RNF138: variants seen among roughly 807,000 people sequenced by gnomAD.
RNF138 encodes the protein ring finger protein 138.
A neutral mutation model predicts 31.0 loss-of-function variants in RNF138; 12 were observed. The ratio of observed to expected loss-of-function variants is 0.39; its 90% CI spans 0.25 to 0.63. RNF138 has a LOEUF of 0.63. Ranked by LOEUF, RNF138 falls within the 20% of genes least tolerant of loss-of-function variation. RNF138 has a pLI of 0.52. For missense variants in RNF138, 192 were observed against 300.1 expected, an observed-to-expected ratio of 0.64 and a Z score of 2.66; for synonymous variants, 105 against 99.5, an observed-to-expected ratio of 1.06 and a Z score of -0.33.
chr18:32,129,063 A>G, intron 7 of RNF138, 56 bp from the exon 8 acceptor site: 1 of 1,183,934 alleles, frequency 8.4e-7, no homozygotes, highest in Non-Finnish European at 1.3e-6. Flanking sequence ...TTTTGGGCAA[A>G]GTATTAGAGT....
chr18:32,092,933 G>T (rs2039727583), intron 2 of RNF138, 47 bp downstream of exon 2: 3 of 1,175,544 alleles, frequency 2.6e-6, no homozygotes, highest in Non-Finnish European at 3.5e-6. Context: ...TGTCGCTTAG[G>T]CCCGGCCTCC....
Position 32,113,681 on chromosome 18 carries a change from TTACAC to T in RNF138, c.277-61_277-57del, listed in dbSNP as rs899687149. Reference sequence around the variant, plus strand: ...TAGTTACTTTTATTTTTTCCTCTCTTTACACTATTTCAAATCTTACGAGTTCTATT... The same window carrying T: ...TAGTTACTTTTATTTTTTCCTCTCTTTATTTCAAATCTTACGAGTTCTATT... On this transcript the variant is annotated intron_variant, in intron 3 of 7. Transcript: ENST00000261593. 5.0e-5 allele frequency: 36 copies of T among 726,538 alleles called. No individual in the cohort carries two copies. The African/African-American group carries it at 6.7e-4, about 14-fold the overall frequency. 45.0% of individuals were successfully genotyped at this position (726,538 alleles called of 1,614,324 possible). A position where few individuals can be genotyped will look rare whatever the true frequency, so the allele number is the denominator to read the frequency against.
chr18:32,100,854 C>T (rs1434719714), intron 2 of RNF138, among the ~76,000 whole-genome samples: 2 of 152,214 alleles, frequency 1.3e-5, no homozygotes, highest in African/African-American at 4.8e-5. Flanking sequence ...ATCTGCTCGC[C>T]TTGGCCTCCC....
In RNF138 at chr18:32,129,101, G is replaced by C. The variant is rs538272154; in HGVS notation, c.670-18G>C. 6.4e-6 allele frequency: 10 copies of C among 1,574,126 alleles called. No homozygotes were observed. In the South Asian group the frequency reaches 6.6e-5, roughly 10 times the overall value. ...TTGAATATGTTTTTCCTGTTGACAT[G>C]AATGTTATTGTTTTTAGAATCTTCA... On this transcript the variant is annotated intron_variant, in intron 7 of 7. Coordinates refer to ENST00000261593, the MANE Select transcript of RNF138 (RefSeq NM_016271.5).
intron 6 of RNF138, 105 bp from the exon 7 acceptor site, chr18:32,126,588 G>A (rs950108380): frequency 6.3e-6 from 4 of 631,528 alleles, no homozygotes; most frequent in Admixed American, 2.8e-5. Flanking sequence ...TGCTTCTCAC[G>A]TAGATATTTT....
intron 2 of RNF138, among the ~76,000 whole-genome samples, chr18:32,093,237 G>A (rs1342250149): frequency 2.6e-5 from 4 of 152,156 alleles, no homozygotes; most frequent in African/African-American, 7.2e-5. Flanking sequence ...CGCCAGGCCC[G>A]GGAGGAATTG....
At chr18:32,116,965 G>C (rs182846723) in intron 4 of RNF138, among the ~76,000 whole-genome samples, 32 of 152,174 alleles carry the variant, frequency 2.1e-4, no homozygotes, top group African/African-American at 7.5e-4. Context: ...GCAGTGGTGC[G>C]ATCTCAGCTC....
At chr18:32,108,339 C>G (rs886702538) in intron 2 of RNF138, among the ~76,000 whole-genome samples, 5 of 152,066 alleles carry the variant, frequency 3.3e-5, no homozygotes, top group Non-Finnish European at 7.4e-5. Flanking sequence ...GGAACATATC[C>G]CACCTCCTTC....
At chr18:32,102,746 C>T (rs139011117) in intron 2 of RNF138, among the ~76,000 whole-genome samples, 174 of 151,950 alleles carry the variant, frequency 1.1e-3, no homozygotes, top group African/African-American at 4.2e-3. Context: ...GATTCTCCTG[C>T]CTCAGCCTCC....
At chr18:32,107,123 T>C (rs202027202) in intron 2 of RNF138, among the ~76,000 whole-genome samples, 2 of 137,528 alleles carry the variant, frequency 1.5e-5, no homozygotes, top group African/African-American at 5.3e-5. Flanking sequence ...TTCCTTTTTT[T>C]TTTTTTTTTT....
chr18:32,124,390 A>G (rs562577940), intron 5 of RNF138: 41 of 175,112 alleles, frequency 2.3e-4, no homozygotes, highest in Admixed American at 1.5e-3. Flanking sequence ...AAAATTTTCA[A>G]GGGACATACA....
At chr18:32,110,284 C>A (rs906905978) in intron 2 of RNF138, among the ~76,000 whole-genome samples, 1 of 152,204 alleles carries the variant, frequency 6.6e-6, no homozygotes, top group Non-Finnish European at 1.5e-5. Flanking sequence ...TGAGCCACTA[C>A]GCCCTGCCTA....
rs1314331986 is a variant in RNF138, at chr18:32,130,538, T to C, written c.*1351T>C. On this transcript the variant is annotated 3_prime_UTR_variant, in exon 8 of 8. Transcript: ENST00000261593. ...ACATTCCATACTAATATACATTGTT[T>C]ATGCTTTCTTTAAAATAACTAGAAG... 1 of 152,458 alleles carries C rather than the reference T, an allele frequency of 6.6e-6. No homozygotes were observed. 9.4% of individuals were successfully genotyped at this position (152,458 alleles called of 1,614,324 possible).
intron 2 of RNF138, among the ~76,000 whole-genome samples, chr18:32,103,682 G>C (rs2039979730): frequency 6.6e-6 from 1 of 152,042 alleles, no homozygotes; most frequent in African/African-American, 2.4e-5. Flanking sequence ...AAACTTCATG[G>C]GCCGGGTGTG....
At chr18:32,107,467 G>GT (rs201966280) in intron 2 of RNF138, among the ~76,000 whole-genome samples, 77 of 149,760 alleles carry the variant, frequency 5.1e-4, no homozygotes, top group Non-Finnish European at 7.9e-4. Context: ...AATTTTAGCA[G>GT]TTTTTTTTTA....
intron 7 of RNF138, 62 bp from the exon 8 acceptor site, chr18:32,129,057 G>C: frequency 9.1e-7 from 1 of 1,096,238 alleles, no homozygotes; most frequent in Non-Finnish European, 1.4e-6. Flanking sequence ...CTAATGTTTT[G>C]GGCAAAGTAT....
rs1315576570 is a variant in RNF138 at position 32,131,369 on chromosome 18, G to A, written c.*2182G>A. The A allele has an allele frequency of 4.6e-5, 4 of 86,656 alleles. No homozygotes were observed. In the South Asian group the frequency reaches 1.3e-3, roughly 29 times the overall value. 5.4% of individuals were successfully genotyped at this position (86,656 alleles called of 1,614,324 possible). A position where few individuals can be genotyped will look rare whatever the true frequency, so the allele number is the denominator to read the frequency against. ...CAGATTTATGGAAATTAAATTTATG[G>A]GGAAAAGTTTATTTTTAATATTACT... On this transcript the variant is annotated 3_prime_UTR_variant, in exon 8 of 8. Coordinates refer to ENST00000261593, the MANE Select transcript of RNF138 (RefSeq NM_016271.5).
At chr18:32,118,867 C>T (rs2040258980) in intron 4 of RNF138, among the ~76,000 whole-genome samples, 1 of 152,014 alleles carries the variant, frequency 6.6e-6, no homozygotes, top group African/African-American at 2.4e-5. Flanking sequence ...AATAATCCTT[C>T]ATTACATGCA....
intron 7 of RNF138, among the ~76,000 whole-genome samples, chr18:32,128,261 G>C (rs1359694459): frequency 6.6e-6 from 1 of 152,128 alleles, no homozygotes; most frequent in Non-Finnish European, 1.5e-5. Flanking sequence ...TACTCATCTG[G>C]GCATGATGGC....
Sources: gnomAD v4.1 joint callset for allele counts (sites outside exome capture counted in the v4.1 genomes callset) on GRCh38, gnomAD v4.1.1 for gene constraint, MANE v1.5 for transcripts, NCBI Gene and HGNC (gene_info 2026-07-23, HGNC 2026-07-21) for gene names.